Variants in SLC38A4 observed in about 807,000 individuals in gnomAD.
The protein encoded by SLC38A4 is solute carrier family 38 member 4.
In SLC38A4, 20 loss-of-function variants were observed where a neutral mutation model predicts 63.1. The ratio of observed to expected loss-of-function variants is 0.32; its 90% CI spans 0.22 to 0.46. The LOEUF (loss-of-function observed/expected upper bound fraction) is 0.46. Among genes scored for constraint, SLC38A4 ranks in the 20% least tolerant of loss-of-function variants. SLC38A4 has a pLI of 1.00. For synonymous variants in SLC38A4, 230 were observed against 225.5 expected, an observed-to-expected ratio of 1.02 and a Z score of -0.18; for missense variants, 526 against 663.6, an observed-to-expected ratio of 0.79 and a Z score of 2.28.
At chr12:46,784,462 G>A in intron 7 of SLC38A4, 80 bp downstream of exon 7, 2 of 1,110,242 alleles carry the variant, frequency 1.8e-6, no homozygotes, top group Non-Finnish European at 2.6e-6. Flanking sequence ...TAAAGTGCCT[G>A]TTTATTGCCA....
chr12:46,802,754 C>A (rs577515315), intron 2 of SLC38A4, among the ~76,000 whole-genome samples: 1 of 152,104 alleles, frequency 6.6e-6, no homozygotes, highest in African/African-American at 2.4e-5. Flanking sequence ...ATCATCAATT[C>A]AAATATTCTT....
In SLC38A4 at chr12:46,765,829, A is replaced by T. The variant is rs1411751373; in HGVS notation, c.*872T>A. On this transcript the variant is annotated 3_prime_UTR_variant, in exon 17 of 17. Transcript: ENST00000266579. The stretch of plus-strand genomic sequence containing the variant: ...TGTATCAAACAATACTGGGTAGTGT[A>T]TCTCCACGATTGTGGTCTTCTAAAA... The T allele has an allele frequency of 6.3e-6, 1 of 158,242 alleles. No individual in the cohort carries two copies. The allele number at this position is 158,242 out of a possible 1,614,324, so 9.8% of individuals were successfully genotyped here.
chr12:46,767,808 G>A (rs1938330269), intron 16 of SLC38A4, among the ~76,000 whole-genome samples: 1 of 152,032 alleles, frequency 6.6e-6, no homozygotes, highest in Non-Finnish European at 1.5e-5. Flanking sequence ...ACTGTATTTT[G>A]TATCTAAAGA....
At chr12:46,797,795 T>A (rs1343878744) in intron 2 of SLC38A4, among the ~76,000 whole-genome samples, 1 of 152,116 alleles carries the variant, frequency 6.6e-6, no homozygotes, top group Non-Finnish European at 1.5e-5. Context: ...CATCTATATA[T>A]CTCAAAGGCA....
intron 3 of SLC38A4, among the ~76,000 whole-genome samples, chr12:46,792,215 G>T (rs190758586): frequency 1.3e-5 from 2 of 152,232 alleles, no homozygotes; most frequent in Admixed American, 6.5e-5. Context: ...TAGGCCTAAC[G>T]TAAGACCACA....
In SLC38A4 at chr12:46,769,270, T is replaced by A. The variant is rs1042338160; in HGVS notation, c.1444+14A>T. The A allele has an allele frequency of 3.1e-6, 5 of 1,612,466 alleles. No homozygotes were observed. The Admixed American group carries it at 8.4e-5, about 27-fold the overall frequency. ...AGTTTGGGTTGACCAAATTGAAGCC[T>A]TTCTGAAACTCACCTATGAATCCGA... On this transcript the variant is annotated intron_variant, in intron 15 of 16. Transcript: ENST00000266579.
chr12:46,828,084 T>C (rs1036230660), upstream of SLC38A4, among the ~76,000 whole-genome samples: 1 of 152,080 alleles, frequency 6.6e-6, no homozygotes, highest in African/African-American at 2.4e-5. Flanking sequence ...AGTACTGAAC[T>C]CTTAAATTCC....
Position 46,778,657 on chromosome 12 carries a change from C to G in SLC38A4, c.837G>C (p.Glu279Asp). 1 of 1,613,054 alleles carries G rather than the reference C, an allele frequency of 6.2e-7. No individual in the cohort carries two copies. The highest frequency in any genetic ancestry group is 1.1e-5 in the South Asian group (1 of 91,060). Residue 279 changes from glutamate (E) to aspartate (D), a missense_variant, in exon 11 of 17, where the codon GAG (glutamate) becomes GAC (aspartate). Coordinates refer to ENST00000266579, the MANE Select transcript of SLC38A4 (RefSeq NM_018018.5). The stretch of plus-strand genomic sequence containing the variant: ...CCATCATGAAGTTCACATCAGAACT[C>G]TCAGAGTTGTTGGGTAACATTACCA... ...MHVVMLPNNS[E>D]SSDVNFMMDY...
chr12:46,777,166 A>G (rs972686885), intron 12 of SLC38A4, among the ~76,000 whole-genome samples, 162 bp from the exon 13 acceptor site: 8 of 152,044 alleles, frequency 5.3e-5, no homozygotes, highest in Non-Finnish European at 1.2e-4. Flanking sequence ...TAGAGAGCTA[A>G]TGAGGATTCA....
intron 13 of SLC38A4, among the ~76,000 whole-genome samples, chr12:46,776,343 TG>T (rs1049442110): frequency 2.0e-5 from 3 of 152,044 alleles, no homozygotes; most frequent in Non-Finnish European, 2.9e-5. Flanking sequence ...CACTTTTTTT[TG>T]GTGGTGCATT....
At chr12:46,827,751 T>C (rs1939678840), upstream of SLC38A4, among the ~76,000 whole-genome samples, 1 of 152,098 alleles carries the variant, frequency 6.6e-6, no homozygotes, top group African/African-American at 2.4e-5. Flanking sequence ...AATATGCCCT[T>C]GAGAACCAGA....
intron 1 of SLC38A4, among the ~76,000 whole-genome samples, chr12:46,818,279 T>C (rs1423477867): frequency 6.6e-6 from 1 of 151,940 alleles, no homozygotes; most frequent in Non-Finnish European, 1.5e-5. Context: ...ACTAGAGTCT[T>C]AAGAGAAGCA....
Position 46,792,931 on chromosome 12 carries a change from A to C in SLC38A4, c.119+22T>G, listed in dbSNP as rs1287381526. The stretch of plus-strand genomic sequence containing the variant: ...ATCCTGTCTTATTTTTCCATGGAAC[A>C]TAGTAATTTTTAACCCCATACCTGC... On this transcript the variant is annotated intron_variant, in intron 3 of 16. Transcript: ENST00000266579. 2.6e-6 allele frequency: 4 copies of C among 1,543,390 alleles called. No homozygotes were observed. The South Asian group carries it at 3.4e-5, about 13-fold the overall frequency.
At chr12:46,797,492 T>C (rs1358170012) in intron 2 of SLC38A4, among the ~76,000 whole-genome samples, 1 of 152,148 alleles carries the variant, frequency 6.6e-6, no homozygotes, top group Non-Finnish European at 1.5e-5. Context: ...ACCAGCAACA[T>C]CCTGTTTCTC....
intron 16 of SLC38A4, among the ~76,000 whole-genome samples, chr12:46,767,258 A>G (rs1938320596): frequency 6.6e-6 from 1 of 151,444 alleles, no homozygotes; most frequent in African/African-American, 2.4e-5. Flanking sequence ...GTGTGTGTGC[A>G]TACATATAAT....
At chr12:46,794,807 T>C (rs1275515379) in intron 2 of SLC38A4, among the ~76,000 whole-genome samples, 2 of 151,812 alleles carry the variant, frequency 1.3e-5, no homozygotes, top group African/African-American at 4.8e-5. Context: ...GGCAGAGAAT[T>C]GTCTAGAAAT....
chr12:46,768,241 T>C lies in SLC38A4; in HGVS notation c.1542+69A>G, dbSNP rs1391781864. 12 of 1,146,686 alleles carry C rather than the reference T, an allele frequency of 1.0e-5. No individual in the cohort carries two copies. In the East Asian group the frequency reaches 3.0e-4, roughly 29 times the overall value. The allele number at this position is 1,146,686 out of a possible 1,614,324, so 71.0% of individuals were successfully genotyped here. ...TTGATTCATTTTTCTGAACTATGTG[T>C]ATTTTCTAGTTTATTCTAAGTAGTT... On this transcript the variant is annotated intron_variant, in intron 16 of 16. Transcript: ENST00000266579.
chr12:46,767,061 AC>A (rs1166571793), intron 16 of SLC38A4, among the ~76,000 whole-genome samples: 3 of 152,092 alleles, frequency 2.0e-5, no homozygotes, highest in Non-Finnish European at 4.4e-5. Flanking sequence ...ATGATGGAAT[AC>A]CCTGTGATTA....
In SLC38A4 at chr12:46,819,926, A is replaced by T. The variant is rs1007875646; in HGVS notation, c.-305+5977T>A. 2.0e-5 allele frequency among the ~76,000 whole-genome samples: 3 copies of T among 152,080 alleles called. No individual in the cohort carries two copies. In the South Asian group the frequency reaches 6.2e-4, roughly 31 times the overall value. On this transcript the variant is annotated intron_variant, in intron 1 of 16. Coordinates refer to ENST00000266579, the MANE Select transcript of SLC38A4 (RefSeq NM_018018.5). ...AGTTGTGCCATTATAGATGAAATTT[A>T]TAATGATGACTCCGAGGCACTCTGA... is the stretch of plus-strand genomic sequence containing the variant.
Sources: gnomAD v4.1 joint callset for allele counts (sites outside exome capture counted in the v4.1 genomes callset) on GRCh38, gnomAD v4.1.1 for gene constraint, MANE v1.5 for transcripts, NCBI Gene and HGNC (gene_info 2026-07-23, HGNC 2026-07-21) for gene names.